MIR2052HG: variants seen among roughly 807,000 people sequenced by gnomAD.
MIR2052HG encodes MIR2052 host gene.
rs1032987997 is a variant in MIR2052HG at position 74,738,000 on chromosome 8, A to G, written n.372-14441A>G. ...TATCTATGTATGTATGTATGTATGT[A>G]TGTATGTGTTATCTATGTATGTATA... On this transcript the variant is annotated intron_variant and non_coding_transcript_variant, in intron 4 of 6. Coordinates refer to ENST00000523442, the Ensembl canonical transcript of MIR2052HG. Among the ~76,000 whole-genome samples the G allele has an allele frequency of 2.6e-4, 39 of 152,148 alleles. 1 individual carries two copies. The highest frequency in any genetic ancestry group is 8.9e-4 in the African/African-American group (37 of 41,506).
chr8:74,644,915 A>T (rs996264319), intron 2 of MIR2052HG, among the ~76,000 whole-genome samples: 6 of 152,176 alleles, frequency 3.9e-5, no homozygotes, highest in Admixed American at 3.3e-4. Flanking sequence ...ATAAAATAAA[A>T]AATAAAAAAC....
chr8:74,754,606 G>A (rs537707048), intron 5 of MIR2052HG, among the ~76,000 whole-genome samples: 112 of 152,294 alleles, frequency 7.4e-4, no homozygotes, highest in African/African-American at 2.6e-3. Flanking sequence ...AGAGATCTAC[G>A]GCTGTGAAGC....
At chr8:74,665,294 T>A (rs898994114) in intron 2 of MIR2052HG, among the ~76,000 whole-genome samples, 1 of 152,238 alleles carries the variant, frequency 6.6e-6, no homozygotes, top group African/African-American at 2.4e-5. Flanking sequence ...TGATATGAAC[T>A]CGCATCGATA....
chr8:74,602,876 T>TTCTTTC (rs1586883851), intron 1 of MIR2052HG, among the ~76,000 whole-genome samples: 14 of 137,106 alleles, frequency 1.0e-4, no homozygotes, highest in South Asian at 2.3e-4. Context: ...TTTCTTTCTT[T>TTCTTTC]TTTCTATTCA....
At chr8:74,746,363 A>G (rs1809885311) in intron 4 of MIR2052HG, among the ~76,000 whole-genome samples, 1 of 152,222 alleles carries the variant, frequency 6.6e-6, no homozygotes, top group Non-Finnish European at 1.5e-5. Flanking sequence ...TTGATTAAAC[A>G]TCTCATATAT....
rs68089808 is a variant in MIR2052HG, at chr8:74,662,858, T to TTGTGTGTGTGTGTG, written n.217-39498_217-39485dup. 1.2e-3 allele frequency among the ~76,000 whole-genome samples: 180 copies of TTGTGTGTGTGTGTG among 144,298 alleles called. 1 individual carries two copies. The highest frequency in any genetic ancestry group is 4.3e-3 in the African/African-American group (168 of 39,384). The allele number at this position is 144,298 out of a possible 152,430, so 94.7% of individuals were successfully genotyped here. ...CATTTTTCTCCTAGAAATGACTCAT[T>TTGTGTGTGTGTGTG]TGTGTGTGTGTGTGTGTGTGTGTGT... On this transcript the variant is annotated intron_variant and non_coding_transcript_variant, in intron 2 of 6. Coordinates refer to ENST00000523442, the Ensembl canonical transcript of MIR2052HG.
chr8:74,712,395 G>A (rs937098532), intron 4 of MIR2052HG, among the ~76,000 whole-genome samples: 10 of 152,190 alleles, frequency 6.6e-5, no homozygotes, highest in African/African-American at 2.4e-4. Context: ...TTAAAAATGG[G>A]AGGAAACTCA....
At chr8:74,750,707 T>G (rs2128756654) in intron 4 of MIR2052HG, among the ~76,000 whole-genome samples, 1 of 152,316 alleles carries the variant, frequency 6.6e-6, no homozygotes, top group Non-Finnish European at 1.5e-5. Flanking sequence ...AACTCTTGCC[T>G]TATAACTTCA....
intron 2 of MIR2052HG, among the ~76,000 whole-genome samples, chr8:74,665,301 G>A (rs1280772408): frequency 6.6e-6 from 1 of 152,162 alleles, no homozygotes; most frequent in Admixed American, 6.5e-5. Context: ...AACTCGCATC[G>A]ATATGCTTGG....
chr8:74,727,764 ATAAAT>A (rs2128754556), intron 4 of MIR2052HG, among the ~76,000 whole-genome samples: 1 of 152,366 alleles, frequency 6.6e-6, no homozygotes, highest in Admixed American at 6.5e-5. Flanking sequence ...AAACAAAACA[ATAAAT>A]TAAAGAGCTC....
At chr8:74,669,913 T>C (rs555969853) in intron 2 of MIR2052HG, among the ~76,000 whole-genome samples, 69 of 152,320 alleles carry the variant, frequency 4.5e-4, no homozygotes, top group Admixed American at 7.8e-4. Flanking sequence ...GTTGAAACTC[T>C]GACTCCAGTG....
At chr8:74,659,693 A>T (rs754145835) in intron 2 of MIR2052HG, among the ~76,000 whole-genome samples, 9 of 152,238 alleles carry the variant, frequency 5.9e-5, no homozygotes, top group Non-Finnish European at 1.2e-4. Flanking sequence ...TGATGCTGCC[A>T]TTTTGGCCTC....
intron 2 of MIR2052HG, among the ~76,000 whole-genome samples, chr8:74,630,106 T>C (rs1455624861): frequency 2.0e-5 from 3 of 152,162 alleles, no homozygotes; most frequent in African/African-American, 7.2e-5. Flanking sequence ...TTCAGGTCTG[T>C]TCAGAATGAA....
At position 74,715,893 on chromosome 8, in the gene MIR2052HG, G is replaced by A. The variant is rs543919975; in HGVS notation, n.371+12211G>A. ...TACTTCTTCCACTAAGTTTCTGTGGGGTTCAAATTAGAAAATGTATGCAAA... is the reference window on the plus strand; with the variant it reads ...TACTTCTTCCACTAAGTTTCTGTGGAGTTCAAATTAGAAAATGTATGCAAA... On this transcript the variant is annotated intron_variant and non_coding_transcript_variant, in intron 4 of 6. Transcript: ENST00000523442. Among the ~76,000 whole-genome samples, 10 of 152,132 alleles carry A rather than the reference G, an allele frequency of 6.6e-5. No individual in the cohort carries two copies. The South Asian group carries it at 2.1e-3, about 32-fold the overall frequency.
chr8:74,720,010 G>A (rs958918476), intron 4 of MIR2052HG, among the ~76,000 whole-genome samples: 3 of 151,534 alleles, frequency 2.0e-5, no homozygotes, highest in Non-Finnish European at 2.9e-5. Flanking sequence ...TGCCATGCCC[G>A]GCTAATTTGT....
At chr8:74,745,305 G>A (rs1029025296) in intron 4 of MIR2052HG, among the ~76,000 whole-genome samples, 4 of 152,022 alleles carry the variant, frequency 2.6e-5, no homozygotes, top group African/African-American at 7.2e-5. Context: ...CAAGGAAACA[G>A]TAATAATGAT....
intron 4 of MIR2052HG, among the ~76,000 whole-genome samples, chr8:74,715,047 A>T (rs983220452): frequency 6.6e-6 from 1 of 152,220 alleles, no homozygotes; most frequent in Non-Finnish European, 1.5e-5. Flanking sequence ...TAAAACAATA[A>T]ATATGGATTT....
At chr8:74,651,230 A>T (rs895544001) in intron 2 of MIR2052HG, among the ~76,000 whole-genome samples, 2 of 151,214 alleles carry the variant, frequency 1.3e-5, no homozygotes, top group Non-Finnish European at 2.9e-5. Context: ...TATTTTAATG[A>T]TGTCTGTTAT....
At chr8:74,682,883 T>C (rs1465240705) in intron 2 of MIR2052HG, among the ~76,000 whole-genome samples, 1 of 152,114 alleles carries the variant, frequency 6.6e-6, no homozygotes, top group Non-Finnish European at 1.5e-5. Flanking sequence ...GAAGAATACA[T>C]TTTGAAATTA....
Sources: allele counts gnomAD v4.1 joint callset (sites outside exome capture counted in the v4.1 genomes callset), GRCh38; gene constraint gnomAD v4.1.1; transcripts MANE v1.5; gene names NCBI Gene and HGNC (gene_info 2026-07-23, HGNC 2026-07-21).